The following NEBL variants were observed in gnomAD, a reference collection of about 807,000 sequenced individuals.
NEBL encodes nebulette.
NEBL carries 122 observed loss-of-function variants against 140.2 expected under a neutral mutation model. The ratio of observed to expected loss-of-function variants is 0.87; its 90% confidence interval spans 0.75 to 1.01. NEBL has a LOEUF of 1.01. Among genes scored for constraint, NEBL ranks in the 50% least tolerant of loss-of-function variants. The probability of loss-of-function intolerance (pLI) is 0.00; values close to 1 mark genes in which losing one functional copy is unlikely to be tolerated. For synonymous variants in NEBL, 436 were observed against 398.9 expected (o/e 1.09, Z -1.11); for missense variants, 1,365 against 1,231.3 (o/e 1.11, Z -1.62).
At chr10:20,961,717 A>C in exon 4 of NEBL, 1 of 1,613,948 alleles carries the variant, frequency 6.2e-7, no homozygotes, top group Middle Eastern at 1.7e-4. Flanking sequence ...GTAGCTCAGG[A>C]GTGTCCGTGA....
At chr10:21,222,224 T>G (rs183869230) in intron 3 of NEBL, among the ~76,000 whole-genome samples, 1 of 151,502 alleles carries the variant, frequency 6.6e-6, no homozygotes, top group Non-Finnish European at 1.5e-5. Flanking sequence ...GGTGGGAGAA[T>G]CGCTTAAGCC....
chr10:21,061,698 A>G (rs1835313972), intron 2 of NEBL, among the ~76,000 whole-genome samples: 1 of 152,094 alleles, frequency 6.6e-6, no homozygotes, highest in African/African-American at 2.4e-5. Flanking sequence ...GAAGCATGCT[A>G]ATAAGTTCTT....
intron 5 of NEBL, among the ~76,000 whole-genome samples, chr10:20,875,437 AAG>A (rs1470623558): frequency 1.3e-5 from 2 of 152,206 alleles, no homozygotes; most frequent in African/African-American, 2.4e-5. Context: ...CATGGCCAAT[AAG>A]AGAAATGCAT....
At chr10:21,148,549 CAG>C (rs1840006519) in intron 2 of NEBL, among the ~76,000 whole-genome samples, 3 of 152,000 alleles carry the variant, frequency 2.0e-5, no homozygotes, top group African/African-American at 4.8e-5. Flanking sequence ...GTTTTTTAGA[CAG>C]AGTCTCACTC....
intron 3 of NEBL, among the ~76,000 whole-genome samples, chr10:20,997,520 C>T (rs1837722956): frequency 1.3e-5 from 1 of 78,240 alleles, no homozygotes; most frequent in Non-Finnish European, 2.9e-5. Flanking sequence ...AAAAACAGAA[C>T]TCCTGAAGAA....
chr10:21,050,212 A>C (rs376429595), intron 2 of NEBL, among the ~76,000 whole-genome samples: 19 of 152,332 alleles, frequency 1.2e-4, no homozygotes, highest in African/African-American at 4.1e-4. Context: ...ATACGTGCTG[A>C]TAAATTCTTA....
chr10:20,842,071 T>C (rs1424475399), intron 12 of NEBL, among the ~76,000 whole-genome samples: 1 of 152,120 alleles, frequency 6.6e-6, no homozygotes, highest in Non-Finnish European at 1.5e-5. Context: ...ACTTGCCAGA[T>C]GAAAGATGAA....
At chr10:20,817,226 G>T (rs1838803035) in intron 21 of NEBL, among the ~76,000 whole-genome samples, 1 of 152,142 alleles carries the variant, frequency 6.6e-6, no homozygotes, top group South Asian at 2.1e-4. Flanking sequence ...AATTAGCCAG[G>T]TGTGGCAGCA....
At position 21,005,883 on chromosome 10, in the gene NEBL, A is replaced by G. The variant is rs923997628; in HGVS notation, c.249+14234T>C. On this transcript the variant is annotated intron_variant, in intron 3 of 6. Transcript: ENST00000417816. The stretch of plus-strand genomic sequence containing the variant: ...CAATCTTTTTTTTCCTTTATTTGCT[A>G]GGCTCACCCTGTAAGCCCCAAGAAC... Among the ~76,000 whole-genome samples, 7 of 147,430 alleles carry G rather than the reference A, an allele frequency of 4.7e-5. No homozygotes were observed. The Admixed American group carries it at 4.8e-4, about 10-fold the overall frequency.
intron 8 of NEBL, among the ~76,000 whole-genome samples, chr10:20,859,171 G>C (rs549784467): frequency 1.5e-4 from 23 of 151,954 alleles, no homozygotes; most frequent in Admixed American, 7.2e-4. Flanking sequence ...ATTCTAACAA[G>C]AATTTAAAAC....
intron 7 of NEBL, 111 bp downstream of exon 7, chr10:20,868,553 C>T (rs2131226204): frequency 1.2e-6 from 1 of 848,724 alleles, no homozygotes; most frequent in East Asian, 2.4e-5. Flanking sequence ...GAAACATTAT[C>T]TCTGTTTATT....
chr10:20,946,586 C>G (rs1332826379), intron 4 of NEBL, among the ~76,000 whole-genome samples: 5 of 152,132 alleles, frequency 3.3e-5, no homozygotes, highest in Non-Finnish European at 7.4e-5. Flanking sequence ...CTCAGCTTCC[C>G]AAGCAGCTGG....
At chr10:20,790,685 A>G (rs1247029076) in intron 26 of NEBL, among the ~76,000 whole-genome samples, 1 of 152,136 alleles carries the variant, frequency 6.6e-6, no homozygotes, top group African/African-American at 2.4e-5. Flanking sequence ...GTAAAAGCAA[A>G]CAGCAATTTA....
intron 3 of NEBL, among the ~76,000 whole-genome samples, chr10:21,216,222 T>C (rs1841991024): frequency 6.6e-6 from 1 of 152,120 alleles, no homozygotes; most frequent in East Asian, 1.9e-4. Context: ...TCACTAAATA[T>C]ACACCCCCAA....
chr10:21,014,312 C>T (rs1439820578), intron 3 of NEBL, among the ~76,000 whole-genome samples: 2 of 151,992 alleles, frequency 1.3e-5, no homozygotes, highest in Admixed American at 6.6e-5. Context: ...GTTATTACCA[C>T]CCTCTCTCCC....
chr10:20,992,492 G>A (rs1395036199), intron 3 of NEBL, among the ~76,000 whole-genome samples: 1 of 152,154 alleles, frequency 6.6e-6, no homozygotes, highest in East Asian at 1.9e-4. Flanking sequence ...GGGCTCAAGG[G>A]TGGCACAGGC....
chr10:21,125,654 A>T lies in NEBL; in HGVS notation c.164+46729T>A, dbSNP rs1838788391. Reference sequence around the variant, plus strand: ...TTTCCCAGCCATCAAAAATAGTTTGATGGATTTGTGCCAAAATGAGAAATA... The same window carrying T: ...TTTCCCAGCCATCAAAAATAGTTTGTTGGATTTGTGCCAAAATGAGAAATA... On this transcript the variant is annotated intron_variant, in intron 2 of 6. Transcript: ENST00000417816. 10 of 512,564 alleles carry T rather than the reference A, an allele frequency of 2.0e-5. No homozygotes were observed. In the South Asian group the frequency reaches 3.9e-4, roughly 20 times the overall value. The allele number at this position is 512,564 out of a possible 1,614,324, so 31.8% of individuals were successfully genotyped here. A position where few individuals can be genotyped will look rare whatever the true frequency, so the allele number is the denominator to read the frequency against.
At chr10:20,891,084 T>A (rs1454685106) in intron 2 of NEBL, among the ~76,000 whole-genome samples, 1 of 152,200 alleles carries the variant, frequency 6.6e-6, no homozygotes, top group Non-Finnish European at 1.5e-5. Context: ...TATACACTAA[T>A]GGTACATGGA....
intron 2 of NEBL, among the ~76,000 whole-genome samples, chr10:21,089,576 C>A (rs920233417): frequency 6.6e-6 from 1 of 151,920 alleles, no homozygotes; most frequent in Non-Finnish European, 1.5e-5. Context: ...CGGGGAGCCA[C>A]TGAATTCACT....
Sources: gnomAD v4.1 joint callset for allele counts (sites outside exome capture counted in the v4.1 genomes callset) on GRCh38, gnomAD v4.1.1 for gene constraint, MANE v1.5 for transcripts, NCBI Gene and HGNC (gene_info 2026-07-23, HGNC 2026-07-21) for gene names.